FRMPD1: variants seen among roughly 807,000 people sequenced by gnomAD.
FRMPD1 encodes the protein FERM and PDZ domain-containing protein 1.
Under a neutral mutation model 117.8 loss-of-function variants are expected in FRMPD1, and 76 were observed. The ratio of observed to expected loss-of-function variants is 0.65; its 90% CI spans 0.54 to 0.78. The LOEUF (loss-of-function observed/expected upper bound fraction) is 0.78, where lower values mean the gene tolerates loss of function less well. FRMPD1 is among the 30% of genes least tolerant of loss of function. The pLI is 0.00. For synonymous variants in FRMPD1, 783 were observed against 770.4 expected, an observed-to-expected ratio of 1.02 and a Z score of -0.27; for missense variants, 1,786 against 1,964.5, an observed-to-expected ratio of 0.91 and a Z score of 1.72.
At chr9:37,701,926 T>C (rs1342127803) in intron 2 of FRMPD1, among the ~76,000 whole-genome samples, 1 of 152,118 alleles carries the variant, frequency 6.6e-6, no homozygotes, top group African/African-American at 2.4e-5. Context: ...TGGACCCTTT[T>C]TGAGATCTTC....
At chr9:37,617,781 G>C in the FRMPD1 span, among the ~76,000 whole-genome samples, 3 of 152,118 alleles carry the variant, frequency 2.0e-5, no homozygotes, top group Admixed American at 2.0e-4. Context: ...CACTCTGGGC[G>C]GTCCCTACAG....
chr9:37,724,010 A>T (rs1229574755), intron 6 of FRMPD1, among the ~76,000 whole-genome samples: 2 of 151,768 alleles, frequency 1.3e-5, no homozygotes, highest in Non-Finnish European at 2.9e-5. Context: ...AAAAATAAAA[A>T]AAATAAAAAA....
intron 1 of FRMPD1, among the ~76,000 whole-genome samples, chr9:37,684,760 T>A (rs535002991): frequency 1.6e-4 from 24 of 152,240 alleles, no homozygotes; most frequent in African/African-American, 5.5e-4. Flanking sequence ...TCCCCAATTT[T>A]TTTTTATTTT....
chr9:37,625,094 T>C, the FRMPD1 span, among the ~76,000 whole-genome samples: 1 of 152,228 alleles, frequency 6.6e-6, no homozygotes, highest in Non-Finnish European at 1.5e-5. Context: ...TAGCTTTGAC[T>C]AAGTATCCCA....
At chr9:37,688,009 A>T (rs1822006964) in intron 1 of FRMPD1, among the ~76,000 whole-genome samples, 1 of 152,148 alleles carries the variant, frequency 6.6e-6, no homozygotes, top group Admixed American at 6.5e-5. Context: ...TTCAGGACAA[A>T]GATAGTATGA....
At chr9:37,694,224 C>T (rs1822244366) in intron 2 of FRMPD1, among the ~76,000 whole-genome samples, 1 of 152,328 alleles carries the variant, frequency 6.6e-6, no homozygotes. Context: ...TGTGGCCATA[C>T]ATGTTTGGGA....
intron 1 of FRMPD1, among the ~76,000 whole-genome samples, chr9:37,686,143 C>A (rs983423944): frequency 7.2e-5 from 11 of 152,262 alleles, no homozygotes; most frequent in African/African-American, 2.6e-4. Context: ...CTAAAAAGAT[C>A]TTGTATTACA....
intron 2 of FRMPD1, among the ~76,000 whole-genome samples, chr9:37,698,744 A>T (rs1822423793): frequency 1.4e-5 from 2 of 143,128 alleles, no homozygotes; most frequent in East Asian, 2.1e-4. Flanking sequence ...GTATTTTTTT[A>T]AATTTATTTT....
intron 14 of FRMPD1, among the ~76,000 whole-genome samples, chr9:37,738,594 C>G (rs1824241360): frequency 6.6e-6 from 1 of 152,186 alleles, no homozygotes; most frequent in African/African-American, 2.4e-5. Context: ...CCACCTTAGC[C>G]TCCCAAAGTG....
At chr9:37,673,975 G>C (rs1031119106) in intron 1 of FRMPD1, among the ~76,000 whole-genome samples, 1 of 152,236 alleles carries the variant, frequency 6.6e-6, no homozygotes, top group Non-Finnish European at 1.5e-5. Flanking sequence ...ATGGCCTGGA[G>C]ACATTTTCCC....
rs1203291630 is a variant in FRMPD1, at chr9:37,732,298, T to C, written c.859-6T>C. On this transcript the variant is annotated splice_polypyrimidine_tract_variant and splice_region_variant and intron_variant, in intron 9 of 15. Coordinates refer to ENST00000377765, the MANE Select transcript of FRMPD1 (RefSeq NM_014907.3). ...TTTCCCATCTGCTCTATTTAATCTC[T>C]TCTAGAGCTGCAGCGATGTGCTCCA... 1.2e-6 allele frequency: 2 copies of C among 1,613,000 alleles called. No individual in the cohort carries two copies. The highest frequency in any genetic ancestry group is 1.1e-5 in the South Asian group (1 of 91,074).
At chr9:37,736,517 G>A (rs1824132835) in intron 13 of FRMPD1, among the ~76,000 whole-genome samples, 1 of 137,174 alleles carries the variant, frequency 7.3e-6, no homozygotes, top group Non-Finnish European at 1.5e-5. Context: ...GGTGACAAGA[G>A]CAAAACTCTG....
chr9:37,650,417 G>A (rs530786746), upstream of FRMPD1, among the ~76,000 whole-genome samples: 13 of 152,244 alleles, frequency 8.5e-5, no homozygotes, highest in African/African-American at 3.1e-4. Context: ...GTTTCCCAGC[G>A]CGGAAGGAGT....
At chr9:37,645,534 C>A in the FRMPD1 span, among the ~76,000 whole-genome samples, 283 of 152,252 alleles carry the variant, frequency 1.9e-3, no homozygotes, top group Middle Eastern at 3.4e-3. Context: ...AAAAATAGAT[C>A]ATCTTTGAGA....
chr9:37,607,539 A>G, the FRMPD1 span, among the ~76,000 whole-genome samples: 11 of 152,266 alleles, frequency 7.2e-5, no homozygotes, highest in Non-Finnish European at 1.6e-4. Context: ...TTGTGTTGCC[A>G]TTGCTAAATT....
intron 1 of FRMPD1, among the ~76,000 whole-genome samples, chr9:37,653,757 A>G (rs1006122023): frequency 6.6e-6 from 1 of 152,034 alleles, no homozygotes; most frequent in South Asian, 2.1e-4. Context: ...AGAATAGGAT[A>G]CAACCTGGGT....
intron 1 of FRMPD1, among the ~76,000 whole-genome samples, chr9:37,680,369 A>G (rs1382173681): frequency 1.3e-5 from 2 of 152,222 alleles, no homozygotes; most frequent in Non-Finnish European, 2.9e-5. Context: ...TTAAATTGCT[A>G]TATATTTATT....
intron 1 of FRMPD1, among the ~76,000 whole-genome samples, chr9:37,670,256 C>T (rs372467234): frequency 3.2e-4 from 49 of 151,968 alleles, no homozygotes; most frequent in Non-Finnish European, 5.1e-4. Flanking sequence ...CTGGGGGAGA[C>T]GTATTCGAGT....
At chr9:37,646,217 A>T (rs1476047862), upstream of FRMPD1, among the ~76,000 whole-genome samples, 10 of 152,254 alleles carry the variant, frequency 6.6e-5, no homozygotes, top group Admixed American at 6.5e-4. Flanking sequence ...AAGAACATAC[A>T]GTTTATGTGG....
Sources: gnomAD v4.1 joint callset for allele counts (sites outside exome capture counted in the v4.1 genomes callset) on GRCh38, gnomAD v4.1.1 for gene constraint, MANE v1.5 for transcripts, NCBI Gene and HGNC (gene_info 2026-07-23, HGNC 2026-07-21) for gene names.